The following MIER3 variants were observed in gnomAD, a reference collection of about 807,000 sequenced individuals.
MIER3 encodes MIER family member 3.
A neutral mutation model predicts 63.2 loss-of-function variants in MIER3; 9 were observed. The ratio of observed to expected loss-of-function variants is 0.14; its 90% CI spans 0.09 to 0.25. The LOEUF is 0.25. Ranked by LOEUF, MIER3 falls within the 10% of genes least tolerant of loss-of-function variation. The pLI is 1.00. For missense variants in MIER3, 512 were observed against 666.2 expected (o/e 0.77, Z 2.55); for synonymous variants, 205 against 224.9 (o/e 0.91, Z 0.79).
chr5:56,952,146 C>T, upstream of MIER3: 1 of 1,201,960 alleles, frequency 8.3e-7, no homozygotes. Context: ...GCCCAGTCCC[C>T]GGATGGGGCG....
intron 2 of MIER3, among the ~76,000 whole-genome samples, chr5:56,948,304 A>G (rs1018360463): frequency 2.0e-5 from 3 of 152,212 alleles, no homozygotes; most frequent in South Asian, 2.1e-4. Context: ...ACATTATGTT[A>G]TCTTCCTTAA....
intron 10 of MIER3, chr5:56,928,206 G>C (rs1446127809): frequency 6.6e-6 from 1 of 152,194 alleles, no homozygotes; most frequent in Non-Finnish European, 1.5e-5. Context: ...CAACGCATTT[G>C]GGTAAATGCC....
At chr5:56,943,683 A>C (rs1750728838) in intron 3 of MIER3, among the ~76,000 whole-genome samples, 1 of 152,236 alleles carries the variant, frequency 6.6e-6, no homozygotes, top group Non-Finnish European at 1.5e-5. Flanking sequence ...TCTCTGAAGC[A>C]CTTCACAAAT....
intron 3 of MIER3, 62 bp downstream of exon 3, chr5:56,946,864 T>A: frequency 2.4e-6 from 3 of 1,255,648 alleles, no homozygotes; most frequent in South Asian, 3.7e-5. Flanking sequence ...TAGATTATTT[T>A]TAAAATTACA....
Position 56,937,561 on chromosome 5 carries a change from T to C in MIER3, c.436+17A>G. The C allele has an allele frequency of 1.9e-6, 3 of 1,590,488 alleles. No homozygotes were observed. Among genetic ancestry groups the C allele is most frequent in the Non-Finnish European group, 2.6e-6 (3 of 1,167,456 alleles). On this transcript the variant is annotated intron_variant, in intron 5 of 12. Coordinates refer to ENST00000381199, the MANE Select transcript of MIER3 (RefSeq NM_001297599.2). The stretch of plus-strand genomic sequence containing the variant: ...TATCAATGTTACTATTTATCAGTAA[T>C]CCACTGGGTTTCTTACATCGTAAAG...
At chr5:56,935,872 C>T in intron 5 of MIER3, 121 bp from the exon 6 acceptor site, 1 of 693,856 alleles carries the variant, frequency 1.4e-6, no homozygotes, top group Non-Finnish European at 2.5e-6. Context: ...TACTAAACCA[C>T]CTGCATGTTT....
Position 56,920,461 on chromosome 5 carries a change from A to G in MIER3, c.*2667T>C, listed in dbSNP as rs553584491. 6.5e-6 allele frequency: 1 copy of G among 152,694 alleles called. No individual in the cohort carries two copies. Among genetic ancestry groups the G allele is most frequent in the African/African-American group, 2.4e-5 (1 of 41,580 alleles). 9.5% of individuals were successfully genotyped at this position (152,694 alleles called of 1,614,324 possible). A position where few individuals can be genotyped will look rare whatever the true frequency, so the allele number is the denominator to read the frequency against. On this transcript the variant is annotated 3_prime_UTR_variant, in exon 13 of 13. Coordinates refer to ENST00000381199, the MANE Select transcript of MIER3 (RefSeq NM_001297599.2). ...TAATGGGGCAAAGGAAAAAAAAACA[A>G]AAAGAATTTATCACAGTTTGTTATA...
chr5:56,923,444 C>G lies in MIER3; in HGVS notation c.1337G>C (p.Ser446Thr). 1 of 1,614,190 alleles carries G rather than the reference C, an allele frequency of 6.2e-7. No homozygotes were observed. The highest frequency in any genetic ancestry group is 2.2e-5 in the East Asian group (1 of 44,884). The part of the protein sequence containing the change: ...VVTEELLTLP[S>T]NGESDCFNLF... The stretch of plus-strand genomic sequence containing the variant: ...ATTAAAACAATCACTTTCCCCATTG[C>G]TGGGCAGGGTGAGTAACTCTTCTGT... Residue 446 changes from serine to threonine, a missense_variant, in exon 13 of 13, where the codon AGC becomes ACC. Physicochemically the swap from Ser to Thr is moderately conservative, Grantham distance 58. Around this residue, in one of 5 missense-constraint regions of MIER3, gnomAD observed 218 missense variants for 251.2 expected, o/e 0.87. Coordinates refer to ENST00000381199, the MANE Select transcript of MIER3 (RefSeq NM_001297599.2).
chr5:56,935,427 C>A lies in MIER3; in HGVS notation c.595+1G>T. ...TTATCAAAATCAAAAGCTTTCCTTA[C>A]CTTTCTCATTACCATCGTACTCTCC... On this transcript the variant is annotated splice_donor_variant, in intron 7 of 12. Transcript: ENST00000381199. LOFTEE classifies it high-confidence loss of function. 1 of 1,578,092 alleles carries A rather than the reference C, an allele frequency of 6.3e-7. No homozygotes were observed. Among genetic ancestry groups the A allele is most frequent in the Non-Finnish European group, 8.6e-7 (1 of 1,167,444 alleles).
chr5:56,941,617 A>T (rs1750649244), intron 3 of MIER3: 1 of 152,248 alleles, frequency 6.6e-6, no homozygotes, highest in South Asian at 2.1e-4. Flanking sequence ...GAATGGAAAG[A>T]GAGGCAGGGA....
chr5:56,948,271 G>A (rs907272959), intron 2 of MIER3, among the ~76,000 whole-genome samples: 8 of 152,126 alleles, frequency 5.3e-5, no homozygotes, highest in African/African-American at 1.7e-4. Flanking sequence ...AATTTCTACA[G>A]GACTTTATTT....
At chr5:56,935,544 A>C in intron 6 of MIER3, 44 bp from the exon 7 acceptor site, 1 of 1,518,642 alleles carries the variant, frequency 6.6e-7, no homozygotes, top group Non-Finnish European at 8.9e-7. Flanking sequence ...TAAAAAAAAA[A>C]TACTGAAAAA....
chr5:56,923,864 T>C, intron 11 of MIER3, 31 bp from the exon 12 acceptor site: 1 of 1,614,040 alleles, frequency 6.2e-7, no homozygotes, highest in Non-Finnish European at 8.5e-7. Flanking sequence ...ATTTTATGAC[T>C]ATATATTACA....
At chr5:56,936,769 C>T (rs895360442) in intron 5 of MIER3, 1 of 152,182 alleles carries the variant, frequency 6.6e-6, no homozygotes, top group Non-Finnish European at 1.5e-5. Flanking sequence ...ATCCTCTCAT[C>T]TCAGCCTCCC....
intron 3 of MIER3, among the ~76,000 whole-genome samples, chr5:56,944,172 G>T (rs1460228673): frequency 6.6e-6 from 1 of 152,142 alleles, no homozygotes; most frequent in African/African-American, 2.4e-5. Flanking sequence ...CACCTGCACT[G>T]TTTAGAAGTC....
chr5:56,951,092 C>T (rs2112161682), intron 1 of MIER3, among the ~76,000 whole-genome samples: 1 of 152,282 alleles, frequency 6.6e-6, no homozygotes, highest in Admixed American at 6.5e-5. Context: ...GCACCTAGTT[C>T]GCCCCTGGGG....
chr5:56,951,105 C>G (rs1751009887), intron 1 of MIER3, among the ~76,000 whole-genome samples: 1 of 152,140 alleles, frequency 6.6e-6, no homozygotes, highest in African/African-American at 2.4e-5. Flanking sequence ...CCCTGGGGCC[C>G]GGGAGCCCCA....
chr5:56,930,891 C>T (rs1750242041), intron 8 of MIER3, 146 bp from the exon 9 acceptor site: 2 of 674,570 alleles, frequency 3.0e-6, no homozygotes, highest in Non-Finnish European at 5.1e-6. Context: ...TATATTTGCC[C>T]AAGCATTTAG....
At chr5:56,944,699 CT>C (rs1236112089) in intron 3 of MIER3, among the ~76,000 whole-genome samples, 3 of 151,498 alleles carry the variant, frequency 2.0e-5, no homozygotes, top group East Asian at 3.9e-4. Flanking sequence ...GTCTGGTGAT[CT>C]TTTTTTTTCC....
Sources: gnomAD v4.1 joint callset for allele counts (sites outside exome capture counted in the v4.1 genomes callset) on GRCh38, gnomAD v4.1.1 for gene constraint, gnomAD v4.1.1 regional missense constraint, MANE v1.5 for transcripts, NCBI Gene and HGNC (gene_info 2026-07-23, HGNC 2026-07-21) for gene names.